The following FAM174B variants were observed in gnomAD, a reference collection of about 807,000 sequenced individuals.
The protein encoded by FAM174B is family with sequence similarity 174 member B.
FAM174B carries 12 observed loss-of-function variants against 10.9 expected under a neutral mutation model. That is an observed-to-expected ratio of 1.10 (90% CI 0.71 to 1.79). FAM174B has a LOEUF of 1.79. Ranked by LOEUF, FAM174B falls within the 40% of genes most tolerant of loss-of-function variation. The probability of loss-of-function intolerance (pLI) is 0.00; values close to 1 mark genes in which losing one functional copy is unlikely to be tolerated. For missense variants in FAM174B, 266 were observed against 233.3 expected, an observed-to-expected ratio of 1.14 and a Z score of -0.91; for synonymous variants, 132 against 115.8, an observed-to-expected ratio of 1.14 and a Z score of -0.90.
At chr15:92,631,713 G>A (rs754983888) in intron 1 of FAM174B, among the ~76,000 whole-genome samples, 5 of 150,656 alleles carry the variant, frequency 3.3e-5, no homozygotes, top group African/African-American at 7.3e-5. Flanking sequence ...AGCCAGGATG[G>A]TCTCGATCTC....
At chr15:92,637,641 A>C (rs1204139752) in intron 1 of FAM174B, among the ~76,000 whole-genome samples, 2 of 152,228 alleles carry the variant, frequency 1.3e-5, no homozygotes, top group Non-Finnish European at 2.9e-5. Flanking sequence ...CCCCTTATAG[A>C]AACAATGAAC....
In FAM174B at chr15:92,631,437, A is replaced by T. The variant is rs866404220; in HGVS notation, c.345-1092T>A. On this transcript the variant is annotated intron_variant, in intron 1 of 2. Transcript: ENST00000327355. ...TAATATATAATATATAATATAATAT[A>T]TTATATATATAACATAATATATATT... is the stretch of plus-strand genomic sequence containing the variant. Among the ~76,000 whole-genome samples, 92 of 70,164 alleles carry T rather than the reference A, an allele frequency of 1.3e-3. 3 individuals carry two copies. The highest frequency in any genetic ancestry group is 6.0e-3 in the African/African-American group (80 of 13,240). The allele number at this position is 70,164 out of a possible 152,430, so 46.0% of individuals were successfully genotyped here. A position where few individuals can be genotyped will look rare whatever the true frequency, so the allele number is the denominator to read the frequency against.
intron 1 of FAM174B, among the ~76,000 whole-genome samples, chr15:92,641,623 T>A (rs2050892574): frequency 6.6e-6 from 1 of 152,094 alleles, no homozygotes; most frequent in Non-Finnish European, 1.5e-5. Context: ...ATAAATCATC[T>A]AAAAAAATTA....
intron 1 of FAM174B, among the ~76,000 whole-genome samples, chr15:92,652,430 G>C (rs756233635): frequency 6.6e-6 from 1 of 152,140 alleles, no homozygotes; most frequent in Non-Finnish European, 1.5e-5. Context: ...AGAACCCCAG[G>C]AAGTCCAGCA....
Position 92,619,037 on chromosome 15 carries a change from G to GTAA in FAM174B, c.*418_*419insTTA. The GTAA allele has an allele frequency of 3.8e-6, 2 of 525,704 alleles. No individual in the cohort carries two copies. Among genetic ancestry groups the GTAA allele is most frequent in the Admixed American group, 3.4e-5 (1 of 29,430 alleles). The allele number at this position is 525,704 out of a possible 1,614,324, so 32.6% of individuals were successfully genotyped here. On this transcript the variant is annotated 3_prime_UTR_variant, in exon 3 of 3. Coordinates refer to ENST00000327355, the MANE Select transcript of FAM174B (RefSeq NM_207446.3). ...GTAGATCCAGTAGAGAAGAATGTCGGAAATTCTAAATACACAGTTGGACAT... is the reference window on the plus strand; with the variant it reads ...GTAGATCCAGTAGAGAAGAATGTCGGTAAAAATTCTAAATACACAGTTGGACAT...
intron 2 of FAM174B, among the ~76,000 whole-genome samples, chr15:92,627,794 G>A (rs1222496089): frequency 6.6e-6 from 1 of 152,178 alleles, no homozygotes; most frequent in Non-Finnish European, 1.5e-5. Context: ...GGAGGAAGCG[G>A]ACTCTTTTGA....
chr15:92,628,091 A>C (rs1269371165), intron 2 of FAM174B, among the ~76,000 whole-genome samples: 1 of 152,108 alleles, frequency 6.6e-6, no homozygotes, highest in Non-Finnish European at 1.5e-5. Flanking sequence ...CCTAATACCT[A>C]ATACAATGTA....
chr15:92,652,068 T>G (rs910515703), intron 1 of FAM174B, among the ~76,000 whole-genome samples: 38 of 152,218 alleles, frequency 2.5e-4, no homozygotes, highest in Admixed American at 1.3e-4. Flanking sequence ...TAGCACATTT[T>G]GAGAGACATC....
chr15:92,630,143 A>G (rs1025132126), intron 2 of FAM174B, 71 bp downstream of exon 2: 9 of 1,531,580 alleles, frequency 5.9e-6, no homozygotes, highest in Non-Finnish European at 8.1e-6. Context: ...CATGGACACC[A>G]TGCCTGACCT....
chr15:92,624,352 C>T (rs2050739482), intron 2 of FAM174B, among the ~76,000 whole-genome samples: 1 of 152,208 alleles, frequency 6.6e-6, no homozygotes. Context: ...TCTGCCGATG[C>T]TCCTAACAGT....
intron 1 of FAM174B, among the ~76,000 whole-genome samples, chr15:92,635,468 C>T (rs2050849445): frequency 6.6e-6 from 1 of 151,862 alleles, no homozygotes; most frequent in Admixed American, 6.6e-5. Context: ...GCTGTGTTGA[C>T]AAGGGTCTTC....
rs116070630 is a variant in FAM174B, at chr15:92,632,759, C to T, written c.345-2414G>A. ...CTGGTCTCGAACTCCTGAACTCAAG[C>T]GATCCTCCCGCCTCAGCCTCTCAGA... is the stretch of plus-strand genomic sequence containing the variant. On this transcript the variant is annotated intron_variant, in intron 1 of 2. Coordinates refer to ENST00000327355, the MANE Select transcript of FAM174B (RefSeq NM_207446.3). 9.6e-3 allele frequency among the ~76,000 whole-genome samples: 1,464 copies of T among 151,916 alleles called. 14 individuals carry two copies. The highest frequency in any genetic ancestry group is 0.026 in the African/African-American group (1,082 of 41,426).
chr15:92,640,551 CAAAAAAAAAAAAAAAAAAAA>C lies in FAM174B; in HGVS notation c.345-10226_345-10207del, dbSNP rs60865026. Among the ~76,000 whole-genome samples the C allele has an allele frequency of 9.3e-3, 632 of 67,778 alleles. 12 individuals carry two copies. Among genetic ancestry groups the C allele is most frequent in the African/African-American group, 0.034 (606 of 17,718 alleles). The allele number at this position is 67,778 out of a possible 152,430, so 44.5% of individuals were successfully genotyped here. ...TGGATGACAAAGTGAGACTCCATCT[CAAAAAAAAAAAAAAAAAAAA>C]AAAAAAAAAAAAGTCAAAGGAAATG... is the stretch of plus-strand genomic sequence containing the variant. On this transcript the variant is annotated intron_variant, in intron 1 of 2. Coordinates refer to ENST00000327355, the MANE Select transcript of FAM174B (RefSeq NM_207446.3).
At chr15:92,622,622 C>T (rs565844945) in intron 2 of FAM174B, among the ~76,000 whole-genome samples, 1 of 152,368 alleles carries the variant, frequency 6.6e-6, no homozygotes, top group East Asian at 1.9e-4. Context: ...GGGGCAGAGG[C>T]TCAAAGCTGC....
At chr15:92,619,690 A>G (rs2050706184) in intron 2 of FAM174B, 1 of 581,500 alleles carries the variant, frequency 1.7e-6, no homozygotes, top group Non-Finnish European at 3.1e-6. Context: ...CCCCACACAG[A>G]CTCCCTAGAA....
In FAM174B at chr15:92,617,812, CAG is replaced by C. The variant is rs2050689162; in HGVS notation, c.*1642_*1643del. The C allele has an allele frequency of 2.0e-6, 1 of 512,646 alleles. No homozygotes were observed. The highest frequency in any genetic ancestry group is 3.4e-6 in the Non-Finnish European group (1 of 292,252). The allele number at this position is 512,646 out of a possible 1,614,324, so 31.8% of individuals were successfully genotyped here. Reference sequence around the variant, plus strand: ...CCTCTGGCAAACAGATGGGGGAAAACAGAGAAGGAAAGTCAACAAAGAAGGTG... The same window carrying C: ...CCTCTGGCAAACAGATGGGGGAAAACAGAAGGAAAGTCAACAAAGAAGGTG... On this transcript the variant is annotated 3_prime_UTR_variant, in exon 3 of 3. Coordinates refer to ENST00000327355, the MANE Select transcript of FAM174B (RefSeq NM_207446.3).
At chr15:92,642,363 T>C (rs939329147) in intron 1 of FAM174B, among the ~76,000 whole-genome samples, 1 of 152,196 alleles carries the variant, frequency 6.6e-6, no homozygotes, top group Non-Finnish European at 1.5e-5. Flanking sequence ...ACTCATATAC[T>C]TGTTCAGAGC....
rs150344999 is a variant in FAM174B, at chr15:92,651,749, T to C, written c.344+3567A>G. Among the ~76,000 whole-genome samples, 80 of 152,400 alleles carry C rather than the reference T, an allele frequency of 5.2e-4. No homozygotes were observed. In the East Asian group the frequency reaches 0.015, roughly 28 times the overall value. ...TCTGAATATCATTGCACTTGCATCT[T>C]GGCTTTCTCTTCTAATCATTCACAT... On this transcript the variant is annotated intron_variant, in intron 1 of 2. Coordinates refer to ENST00000327355, the MANE Select transcript of FAM174B (RefSeq NM_207446.3).
rs1267407423 is a variant in FAM174B at position 92,630,827 on chromosome 15, T to TAC, written c.345-483_345-482insGT. ...TATATATATTTTATATATTACATAT[T>TAC]ATATATTATATATATTACATATTAC... On this transcript the variant is annotated intron_variant, in intron 1 of 2. Transcript: ENST00000327355. 1.7e-3 allele frequency among the ~76,000 whole-genome samples: 47 copies of TAC among 27,314 alleles called. 20 individuals are homozygous for TAC. Among genetic ancestry groups the TAC allele is most frequent in the Middle Eastern group, 0.04 (2 of 50 alleles). The allele number at this position is 27,314 out of a possible 152,430, so 17.9% of individuals were successfully genotyped here.
Sources: allele counts gnomAD v4.1 joint callset (sites outside exome capture counted in the v4.1 genomes callset), GRCh38; gene constraint gnomAD v4.1.1; transcripts MANE v1.5; gene names NCBI Gene and HGNC (gene_info 2026-07-23, HGNC 2026-07-21).